NAA25: variants seen among roughly 807,000 people sequenced by gnomAD.
The protein encoded by NAA25 is N-terminal acetyltransferase B complex subunit NAA25.
NAA25 carries 30 observed loss-of-function variants against 132.5 expected under a neutral mutation model. The observed-to-expected ratio is 0.23, with a 90% confidence interval of 0.17 to 0.31. The LOEUF (loss-of-function observed/expected upper bound fraction) is 0.31. Ranked by LOEUF, NAA25 falls within the 10% of genes least tolerant of loss-of-function variation. NAA25 has a pLI of 1.00. For synonymous variants in NAA25, 359 were observed against 401.9 expected, an observed-to-expected ratio of 0.89 and a Z score of 1.28; for missense variants, 771 against 1,150.4, an observed-to-expected ratio of 0.67 and a Z score of 4.77.
chr12:112,034,082 T>A (rs1335989355), intron 22 of NAA25: 18 of 152,194 alleles, frequency 1.2e-4, no homozygotes. Context: ...ACCTACCAGA[T>A]GGTTAAAGAT....
chr12:112,033,559 T>C (rs1400360045), intron 22 of NAA25, 180 bp from the exon 23 acceptor site: 2 of 418,404 alleles, frequency 4.8e-6, no homozygotes, highest in African/African-American at 4.1e-5. Context: ...AATAACACAG[T>C]AATATTAAAA....
intron 1 of NAA25, among the ~76,000 whole-genome samples, chr12:112,094,220 G>A (rs951059564): frequency 1.5e-4 from 20 of 129,168 alleles, no homozygotes; most frequent in East Asian, 7.7e-4. Context: ...CAGCCTAGGC[G>A]ACAGAGGGAG....
chr12:112,069,225 G>T, intron 10 of NAA25: 1 of 413,394 alleles, frequency 2.4e-6, no homozygotes, highest in Non-Finnish European at 4.4e-6. Context: ...TAAAAAAATA[G>T]GCTGGATGCA....
At chr12:112,061,114 TAAAA>T in intron 12 of NAA25, 63 bp downstream of exon 12, 2 of 1,409,612 alleles carry the variant, frequency 1.4e-6, no homozygotes, top group South Asian at 2.4e-5. Flanking sequence ...TACAGGTGCT[TAAAA>T]AACTGCCTTC....
At chr12:112,107,913 T>C (rs1016271527) in intron 1 of NAA25, among the ~76,000 whole-genome samples, 10 of 152,216 alleles carry the variant, frequency 6.6e-5, no homozygotes, top group African/African-American at 1.7e-4. Context: ...ATGGATGAGA[T>C]GACATCAAGG....
At chr12:112,072,400 G>A (rs1357588889) in intron 9 of NAA25, among the ~76,000 whole-genome samples, 1 of 151,938 alleles carries the variant, frequency 6.6e-6, no homozygotes. Context: ...TTGAGGTCAG[G>A]AGTTCGAGAC....
At chr12:112,067,783 A>G (rs924305085) in intron 11 of NAA25, among the ~76,000 whole-genome samples, 6 of 152,156 alleles carry the variant, frequency 3.9e-5, no homozygotes, top group African/African-American at 1.4e-4. Context: ...TGGAGAGTCA[A>G]TCATGTGGTT....
rs945335120 is a variant in NAA25 at position 112,028,420 on chromosome 12, C to G, written c.*1111G>C. Reference sequence around the variant, plus strand: ...GAAGAAGCTAGAGTCTTGGGGACATCCAGGTGAACAAAGTAAACACCATCC... The same window carrying G: ...GAAGAAGCTAGAGTCTTGGGGACATGCAGGTGAACAAAGTAAACACCATCC... On this transcript the variant is annotated 3_prime_UTR_variant, in exon 24 of 24. Transcript: ENST00000261745. 2.1e-4 allele frequency: 32 copies of G among 152,512 alleles called. No homozygotes were observed. The highest frequency in any genetic ancestry group is 7.5e-4 in the African/African-American group (31 of 41,520). 9.4% of individuals were successfully genotyped at this position (152,512 alleles called of 1,614,324 possible).
At chr12:112,081,724 C>A (rs1366168859) in intron 4 of NAA25, among the ~76,000 whole-genome samples, 2 of 152,112 alleles carry the variant, frequency 1.3e-5, no homozygotes, top group Non-Finnish European at 2.9e-5. Flanking sequence ...AGACTCTATC[C>A]ATAATTAGCC....
At chr12:112,080,835 G>A (rs1182580773) in intron 5 of NAA25, among the ~76,000 whole-genome samples, 3 of 152,078 alleles carry the variant, frequency 2.0e-5, no homozygotes, top group Non-Finnish European at 4.4e-5. Context: ...AGGCAAGGTG[G>A]TGTGCACCTG....
At chr12:112,105,643 G>A (rs1346037997) in intron 1 of NAA25, among the ~76,000 whole-genome samples, 1 of 152,170 alleles carries the variant, frequency 6.6e-6, no homozygotes, top group Non-Finnish European at 1.5e-5. Context: ...AGCAAGAGCT[G>A]AGGCCCCAAG....
chr12:112,043,334 CA>C (rs770112990), intron 18 of NAA25, 123 bp from the exon 19 acceptor site: 1 of 1,004,888 alleles, frequency 1.0e-6, no homozygotes, highest in Non-Finnish European at 1.4e-6. Context: ...CACTAATCAG[CA>C]AACTAATAAC....
At chr12:112,089,757 G>A (rs1354638445) in intron 3 of NAA25, among the ~76,000 whole-genome samples, 1 of 151,970 alleles carries the variant, frequency 6.6e-6, no homozygotes, top group African/African-American at 2.4e-5. Flanking sequence ...TCTTTGGGAG[G>A]CCAAGGCAAG....
At chr12:112,104,744 G>A (rs1036093654) in intron 1 of NAA25, among the ~76,000 whole-genome samples, 12 of 151,678 alleles carry the variant, frequency 7.9e-5, no homozygotes, top group Non-Finnish European at 1.6e-4. Flanking sequence ...GCTGAGGCAG[G>A]AGAATGGCGT....
intron 18 of NAA25, 130 bp from the exon 19 acceptor site, chr12:112,043,341 A>G (rs984288148): frequency 1.0e-6 from 1 of 957,918 alleles, no homozygotes; most frequent in Non-Finnish European, 1.5e-6. Context: ...CAGCAAACTA[A>G]TAACTGAATC....
chr12:112,098,451 T>C (rs147147420), intron 1 of NAA25, among the ~76,000 whole-genome samples: 2 of 152,276 alleles, frequency 1.3e-5, no homozygotes, highest in East Asian at 3.9e-4. Context: ...TTTACATTAC[T>C]AAATCTGTAA....
intron 1 of NAA25, among the ~76,000 whole-genome samples, chr12:112,103,471 G>C (rs1173449956): frequency 6.6e-6 from 1 of 152,192 alleles, no homozygotes; most frequent in Non-Finnish European, 1.5e-5. Flanking sequence ...GATTCATTGA[G>C]AGAAGTTCTA....
intron 10 of NAA25, 69 bp downstream of exon 10, chr12:112,071,826 C>CG: frequency 1.6e-6 from 2 of 1,247,876 alleles, no homozygotes; most frequent in Non-Finnish European, 2.2e-6. Flanking sequence ...GTGTAGATCT[C>CG]AACTAATGAA....
intron 13 of NAA25, among the ~76,000 whole-genome samples, chr12:112,058,008 A>G (rs371058702): frequency 1.3e-5 from 2 of 152,260 alleles, no homozygotes; most frequent in East Asian, 3.9e-4. Flanking sequence ...TTAGCTAGGC[A>G]TAGTGGCACG....
Sources: allele counts gnomAD v4.1 joint callset (sites outside exome capture counted in the v4.1 genomes callset), GRCh38; gene constraint gnomAD v4.1.1; transcripts MANE v1.5; gene names NCBI Gene and HGNC (gene_info 2026-07-23, HGNC 2026-07-21).